Variants in MTUS2 observed in about 807,000 individuals in gnomAD.
The protein encoded by MTUS2 is microtubule associated scaffold protein 2, also known as microtubule-associated tumor suppressor candidate 2.
In MTUS2, 40 loss-of-function variants were observed where a neutral mutation model predicts 114.1. The ratio of observed to expected loss-of-function variants is 0.35; its 90% CI spans 0.27 to 0.46. MTUS2 has a LOEUF of 0.46. MTUS2 is among the 20% of genes least tolerant of loss of function. MTUS2 has a pLI of 1.00. For missense variants in MTUS2, 1,679 were observed against 1,705.4 expected (o/e 0.98, Z 0.27); for synonymous variants, 688 against 672.0 (o/e 1.02, Z -0.37).
At chr13:29,286,313 C>G (rs181330642) in intron 6 of MTUS2, among the ~76,000 whole-genome samples, 1 of 152,352 alleles carries the variant, frequency 6.6e-6, no homozygotes, top group African/African-American at 2.4e-5. Context: ...GAAATGCTAT[C>G]TGGTATTTCC....
chr13:28,941,976 G>A (rs1882265344), intron 2 of MTUS2, among the ~76,000 whole-genome samples: 1 of 152,178 alleles, frequency 6.6e-6, no homozygotes, highest in Non-Finnish European at 1.5e-5. Flanking sequence ...AAAAACTCAT[G>A]AACATCAATC....
At chr13:29,074,656 T>TA (rs1169322329) in intron 4 of MTUS2, among the ~76,000 whole-genome samples, 3 of 152,154 alleles carry the variant, frequency 2.0e-5, no homozygotes, top group African/African-American at 7.2e-5. Context: ...GTGACTGCAA[T>TA]ACTGACACTA....
chr13:29,094,273 A>G (rs2149325), intron 4 of MTUS2, among the ~76,000 whole-genome samples: 147,825 of 152,040 alleles, frequency 0.97, 71,929 homozygotes, highest in Non-Finnish European at 0.99. Flanking sequence ...TGAATAATTC[A>G]TATTAATTCT....
intron 2 of MTUS2, among the ~76,000 whole-genome samples, chr13:28,973,866 C>T (rs74041680): frequency 0.053 from 8,087 of 152,202 alleles, 739 homozygotes; most frequent in African/African-American, 0.18. Context: ...CCTTAGAAAA[C>T]GACTAGAATT....
chr13:29,101,397 T>C (rs1368574749), intron 5 of MTUS2, among the ~76,000 whole-genome samples: 1 of 152,108 alleles, frequency 6.6e-6, no homozygotes, highest in Non-Finnish European at 1.5e-5. Flanking sequence ...AGCACTTGAC[T>C]GGATTTCTGA....
chr13:28,832,522 G>T (rs1308036536), intron 1 of MTUS2, among the ~76,000 whole-genome samples: 9 of 151,122 alleles, frequency 6.0e-5, no homozygotes, highest in Non-Finnish European at 3.0e-5. Flanking sequence ...TTTTTTTTTA[G>T]CTGTTAATGA....
chr13:29,222,508 C>T (rs1267493487), intron 5 of MTUS2, among the ~76,000 whole-genome samples: 5 of 152,198 alleles, frequency 3.3e-5, no homozygotes, highest in African/African-American at 4.8e-5. Context: ...TTTTCTTTTT[C>T]AAGTGAATAT....
At chr13:29,388,612 C>A (rs1682408560) in intron 8 of MTUS2, among the ~76,000 whole-genome samples, 1 of 151,274 alleles carries the variant, frequency 6.6e-6, no homozygotes, top group South Asian at 2.1e-4. Flanking sequence ...TTTAGACTTT[C>A]CTGCTGGGAA....
At chr13:29,185,767 G>T (rs1315964498) in intron 5 of MTUS2, among the ~76,000 whole-genome samples, 1 of 152,004 alleles carries the variant, frequency 6.6e-6, no homozygotes, top group Non-Finnish European at 1.5e-5. Context: ...TTTCGTACAA[G>T]AAATATTAAA....
intron 8 of MTUS2, among the ~76,000 whole-genome samples, chr13:29,400,015 A>G (rs1216986189): frequency 6.6e-6 from 1 of 152,238 alleles, no homozygotes; most frequent in African/African-American, 2.4e-5. Context: ...AAGGAGAAGC[A>G]GATAGGCTGA....
chr13:28,956,943 T>G, intron 2 of MTUS2, among the ~76,000 whole-genome samples: 1 of 105,734 alleles, frequency 9.5e-6, no homozygotes, highest in Admixed American at 9.7e-5. Flanking sequence ...GGGAAGGAAG[T>G]GTTGGGGGAC....
chr13:29,191,744 A>T (rs898429925), intron 5 of MTUS2, among the ~76,000 whole-genome samples: 6 of 152,184 alleles, frequency 3.9e-5, no homozygotes. Flanking sequence ...CCCCACGAAG[A>T]AAAATAAATA....
At chr13:29,114,294 G>A (rs532922803) in intron 5 of MTUS2, among the ~76,000 whole-genome samples, 80 of 152,160 alleles carry the variant, frequency 5.3e-4, no homozygotes, top group Non-Finnish European at 1.0e-3. Context: ...GTTGGGACTG[G>A]GGATGCTTTT....
chr13:29,124,387 T>A (rs1411408243), intron 5 of MTUS2, among the ~76,000 whole-genome samples: 1 of 152,228 alleles, frequency 6.6e-6, no homozygotes, highest in African/African-American at 2.4e-5. Flanking sequence ...AAAATCTGGT[T>A]GCCATTAAGT....
chr13:29,449,586 G>A (rs919813221), intron 9 of MTUS2, among the ~76,000 whole-genome samples: 7 of 152,092 alleles, frequency 4.6e-5, no homozygotes, highest in Non-Finnish European at 8.8e-5. Context: ...CGTACAGCTG[G>A]TGTGGGACAA....
intron 5 of MTUS2, among the ~76,000 whole-genome samples, chr13:29,245,612 C>A: frequency 6.6e-6 from 1 of 152,036 alleles, no homozygotes; most frequent in East Asian, 1.9e-4. Flanking sequence ...ACTTGCTAAT[C>A]TTGCTTTCTA....
At chr13:28,903,582 A>C (rs1306863390) in intron 2 of MTUS2, among the ~76,000 whole-genome samples, 3 of 151,826 alleles carry the variant, frequency 2.0e-5, no homozygotes, top group South Asian at 4.2e-4. Context: ...GTCCCTACAA[A>C]GGACATGAAC....
At chr13:29,310,898 A>G (rs1899725373) in intron 6 of MTUS2, among the ~76,000 whole-genome samples, 1 of 152,218 alleles carries the variant, frequency 6.6e-6, no homozygotes, top group African/African-American at 2.4e-5. Flanking sequence ...AAATTCATAC[A>G]TGTGTATCTA....
At chr13:29,131,283 A>G (rs915780332) in intron 5 of MTUS2, among the ~76,000 whole-genome samples, 2 of 152,250 alleles carry the variant, frequency 1.3e-5, no homozygotes, top group Admixed American at 1.3e-4. Flanking sequence ...GCTGAGCCCT[A>G]GAGGTTTTGG....
Sources: allele counts gnomAD v4.1 joint callset (sites outside exome capture counted in the v4.1 genomes callset), GRCh38; gene constraint gnomAD v4.1.1; transcripts MANE v1.5; gene names NCBI Gene and HGNC (gene_info 2026-07-23, HGNC 2026-07-21).